The following ARAP2 variants were observed in gnomAD, a reference collection of about 807,000 sequenced individuals.
ARAP2 encodes arf-GAP with Rho-GAP domain, ANK repeat and PH domain-containing protein 2.
ARAP2 carries 148 observed loss-of-function variants against 194.5 expected under a neutral mutation model. The observed-to-expected ratio is 0.76, with a 90% CI of 0.67 to 0.87. The LOEUF (loss-of-function observed/expected upper bound fraction) is 0.87, where lower values mean the gene tolerates loss of function less well. Ranked by LOEUF, ARAP2 falls within the 40% of genes least tolerant of loss-of-function variation. ARAP2 has a pLI of 0.00. For missense variants in ARAP2, 2,128 were observed against 1,989.7 expected (o/e 1.07, Z -1.32); for synonymous variants, 695 against 683.5 (o/e 1.02, Z -0.26).
intron 5 of ARAP2, among the ~76,000 whole-genome samples, chr4:36,024,608 T>C (rs1234347019): frequency 6.6e-6 from 1 of 152,160 alleles, no homozygotes; most frequent in Non-Finnish European, 1.5e-5. Flanking sequence ...ATTCATACAC[T>C]TTCTACTGTA....
At chr4:36,194,104 A>T (rs1254171834) in intron 6 of ARAP2, among the ~76,000 whole-genome samples, 1 of 152,234 alleles carries the variant, frequency 6.6e-6, no homozygotes, top group Non-Finnish European at 1.5e-5. Context: ...CATGGAAAAC[A>T]TATTGAATTT....
intron 6 of ARAP2, among the ~76,000 whole-genome samples, chr4:36,207,529 G>C (rs918679295): frequency 2.0e-5 from 3 of 151,968 alleles, no homozygotes; most frequent in Admixed American, 6.6e-5. Flanking sequence ...ACCAAATATT[G>C]GGCAATGCTC....
At chr4:36,113,694 T>C (rs1403193550) in intron 26 of ARAP2, among the ~76,000 whole-genome samples, 6 of 151,894 alleles carry the variant, frequency 4.0e-5, no homozygotes, top group Non-Finnish European at 5.9e-5. Context: ...GTGCTTTAAA[T>C]GCTCCCTTCA....
chr4:36,152,719 C>T (rs574065165), intron 15 of ARAP2, among the ~76,000 whole-genome samples: 7 of 151,350 alleles, frequency 4.6e-5, no homozygotes, highest in Non-Finnish European at 8.8e-5. Flanking sequence ...TAATCCCTTA[C>T]GATTTAGGAG....
At chr4:36,014,951 A>T (rs900078154) in intron 8 of ARAP2, among the ~76,000 whole-genome samples, 1 of 152,214 alleles carries the variant, frequency 6.6e-6, no homozygotes, top group Non-Finnish European at 1.5e-5. Context: ...GCTCTGTTTC[A>T]TGCCACTCCA....
chr4:36,030,208 C>T (rs1314869907), intron 5 of ARAP2, among the ~76,000 whole-genome samples: 2 of 151,994 alleles, frequency 1.3e-5, no homozygotes, highest in African/African-American at 2.4e-5. Flanking sequence ...TCACACTTTT[C>T]TTTCCTCAAG....
downstream of ARAP2, chr4:36,065,735 G>C (rs1224075220): frequency 6.4e-6 from 1 of 156,562 alleles, no homozygotes; most frequent in African/African-American, 2.4e-5. Flanking sequence ...CTATAAACCA[G>C]GGGTGGTACT....
intron 9 of ARAP2, among the ~76,000 whole-genome samples, chr4:36,171,715 T>C (rs1736687647): frequency 6.6e-6 from 1 of 152,118 alleles, no homozygotes; most frequent in Non-Finnish European, 1.5e-5. Context: ...ATGCAGTAAG[T>C]ACTACACAGG....
At chr4:36,203,034 A>G (rs1349878768) in intron 6 of ARAP2, among the ~76,000 whole-genome samples, 2 of 152,214 alleles carry the variant, frequency 1.3e-5, no homozygotes, top group African/African-American at 4.8e-5. Context: ...GATAATGGAT[A>G]TATTGAAAGG....
rs948471291 is a variant in ARAP2 at position 36,244,319 on chromosome 4, G to T, written c.-300C>A. On this transcript the variant is annotated 5_prime_UTR_variant, in exon 1 of 33. Transcript: ENST00000303965. Reference sequence around the variant, plus strand: ...GGCCTCCTCTTTCCCGGTCCCCGCCGGCTGTCCGCAGTCGCCTCTGCTGCC... The same window carrying T: ...GGCCTCCTCTTTCCCGGTCCCCGCCTGCTGTCCGCAGTCGCCTCTGCTGCC... 6.6e-6 allele frequency: 1 copy of T among 151,800 alleles called. No individual in the cohort carries two copies. Among genetic ancestry groups the T allele is most frequent in the Admixed American group, 6.6e-5 (1 of 15,248 alleles). 9.4% of individuals were successfully genotyped at this position (151,800 alleles called of 1,614,324 possible).
In ARAP2 at chr4:36,159,312, T is replaced by C; in HGVS notation, c.2617+19A>G. ...GATCTATCAGAAGAGACCAGGTTAATGAAGAGACAGTGACGAACCTGAGAA... is the reference window on the plus strand; with the variant it reads ...GATCTATCAGAAGAGACCAGGTTAACGAAGAGACAGTGACGAACCTGAGAA... On this transcript the variant is annotated intron_variant, in intron 14 of 32. Coordinates refer to ENST00000303965, the MANE Select transcript of ARAP2 (RefSeq NM_015230.4). 1 of 1,577,532 alleles carries C rather than the reference T, an allele frequency of 6.3e-7. No homozygotes were observed. Among genetic ancestry groups the C allele is most frequent in the South Asian group, 1.2e-5 (1 of 85,696 alleles).
At chr4:36,107,071 A>G (rs1577907336) in intron 27 of ARAP2, among the ~76,000 whole-genome samples, 1 of 151,976 alleles carries the variant, frequency 6.6e-6, no homozygotes. Flanking sequence ...CATGAGCACT[A>G]TCTCCTTCCA....
At chr4:36,041,210 A>C (rs1720813568) in intron 5 of ARAP2, among the ~76,000 whole-genome samples, 1 of 152,194 alleles carries the variant, frequency 6.6e-6, no homozygotes, top group Non-Finnish European at 1.5e-5. Context: ...CTGCACAGCA[A>C]ATGAAACTAT....
At position 36,067,648 on chromosome 4, in the gene ARAP2, C is replaced by G; in HGVS notation, c.*259G>C. 1 of 316,906 alleles carries G rather than the reference C, an allele frequency of 3.2e-6. No homozygotes were observed. Among genetic ancestry groups the G allele is most frequent in the East Asian group, 5.8e-5 (1 of 17,226 alleles). The allele number at this position is 316,906 out of a possible 1,614,324, so 19.6% of individuals were successfully genotyped here. A position where few individuals can be genotyped will look rare whatever the true frequency, so the allele number is the denominator to read the frequency against. The stretch of plus-strand genomic sequence containing the variant: ...ACAACTACTTTAAAAGGACTGACCA[C>G]CTAAGTAACCCAATGTCTTCTTACA... On this transcript the variant is annotated 3_prime_UTR_variant, in exon 33 of 33. Transcript: ENST00000303965.
intron 10 of ARAP2, among the ~76,000 whole-genome samples, chr4:36,165,705 T>G (rs1020509475): frequency 6.6e-6 from 1 of 152,236 alleles, no homozygotes; most frequent in Non-Finnish European, 1.5e-5. Context: ...TTCTGAATCT[T>G]AATGTTTACT....
At chr4:36,126,898 C>A (rs375560801) in intron 21 of ARAP2, among the ~76,000 whole-genome samples, 60 of 152,114 alleles carry the variant, frequency 3.9e-4, no homozygotes, top group African/African-American at 1.4e-3. Flanking sequence ...AGTACAGTGG[C>A]ACCATCACAA....
chr4:36,108,125 T>C (rs1718906434), intron 26 of ARAP2, among the ~76,000 whole-genome samples: 1 of 151,882 alleles, frequency 6.6e-6, no homozygotes, highest in South Asian at 2.1e-4. Context: ...CTCAAACTTC[T>C]GAGCTCAGGC....
chr4:36,119,107 G>C (rs1032251482), intron 24 of ARAP2, among the ~76,000 whole-genome samples: 1 of 151,254 alleles, frequency 6.6e-6, no homozygotes, highest in Non-Finnish European at 1.5e-5. Flanking sequence ...AGTGCAACCA[G>C]AACACAAAAA....
At chr4:36,174,265 A>C (rs1737317588) in intron 9 of ARAP2, among the ~76,000 whole-genome samples, 1 of 152,242 alleles carries the variant, frequency 6.6e-6, no homozygotes, top group African/African-American at 2.4e-5. Flanking sequence ...ATATTATAAC[A>C]CATTGCAGGC....
Sources: allele counts gnomAD v4.1 joint callset (sites outside exome capture counted in the v4.1 genomes callset), GRCh38; gene constraint gnomAD v4.1.1; transcripts MANE v1.5; gene names NCBI Gene and HGNC (gene_info 2026-07-23, HGNC 2026-07-21).